MYO15A: variants seen among roughly 807,000 people sequenced by gnomAD.
The protein encoded by MYO15A is unconventional myosin-XV.
MYO15A carries 308 observed loss-of-function variants against 394.6 expected under a neutral mutation model. The ratio of observed to expected loss-of-function variants is 0.78; its 90% CI spans 0.71 to 0.86. The LOEUF (loss-of-function observed/expected upper bound fraction) is 0.86. Ranked by LOEUF, MYO15A falls within the 40% of genes least tolerant of loss-of-function variation. MYO15A has a pLI of 0.00. For synonymous variants in MYO15A, 1,957 were observed against 2,003.8 expected (o/e 0.98, Z 0.62); for missense variants, 4,606 against 4,799.1 (o/e 0.96, Z 1.19).
At chr17:18,109,876 C>T (rs2045701072) in intron 1 of MYO15A, 1 of 152,308 alleles carries the variant, frequency 6.6e-6, no homozygotes, top group African/African-American at 2.4e-5. Flanking sequence ...CGTCTTTCTT[C>T]CTCTCCAGCT....
intron 29 of MYO15A, among the ~76,000 whole-genome samples, chr17:18,145,353 G>A (rs1218549638): frequency 3.3e-5 from 5 of 152,186 alleles, no homozygotes; most frequent in Non-Finnish European, 7.3e-5. Context: ...CAGGAAAGAT[G>A]ACACATACTT....
rs2046438904 is a variant in MYO15A at position 18,144,405 on chromosome 17, AG to A, written c.6178-90del. On this transcript the variant is annotated intron_variant, in intron 28 of 65. Transcript: ENST00000647165. ...CTGAGGACCAAAGCCCCTGCCTCAT[AG>A]GCCTTGGAGCCCCATGTGGCACAGA... 42 of 1,180,992 alleles carry A rather than the reference AG, an allele frequency of 3.6e-5. No individual in the cohort carries two copies. The South Asian group carries it at 5.1e-4, about 14-fold the overall frequency. 73.2% of individuals were successfully genotyped at this position (1,180,992 alleles called of 1,614,324 possible).
rs2046161142 is a variant in MYO15A, at chr17:18,131,392, T to G, written c.4142+50T>G. 4 of 1,612,598 alleles carry G rather than the reference T, an allele frequency of 2.5e-6. No homozygotes were observed. In the East Asian group the frequency reaches 8.9e-5, roughly 36 times the overall value. The stretch of plus-strand genomic sequence containing the variant: ...CCCAAAAGCCTTGCAGTGTCTTCCA[T>G]GTCCTGCCACAGCCCCTCGGAGCCA... On this transcript the variant is annotated intron_variant, in intron 9 of 65. Transcript: ENST00000647165.
At chr17:18,124,815 C>G in intron 3 of MYO15A, 1 of 589,792 alleles carries the variant, frequency 1.7e-6, no homozygotes, top group Admixed American at 3.0e-5. Flanking sequence ...ACCTCAGTTT[C>G]TCATCCACAA....
rs774855739 is a variant in MYO15A, at chr17:18,135,728, G to A, written c.4500G>A (p.Val1500=). ...TTGCATAGACGGATGCACAGGAGGT[G>A]GCCTCAGTGGTGAGTGCCCGAGAGA... ...FEKYETDAQE[V]ASVVSAREIQ... The change falls in exon 13 of 66, where the codon GTG becomes GTA. Residue 1500 remains valine (V), a synonymous_variant. Transcript: ENST00000647165. 2.5e-6 allele frequency: 4 copies of A among 1,614,046 alleles called. No individual in the cohort carries two copies. In the African/African-American group the frequency reaches 5.3e-5, roughly 22 times the overall value.
At chr17:18,139,974 C>A (rs1044943111) in intron 19 of MYO15A, among the ~76,000 whole-genome samples, 3 of 152,222 alleles carry the variant, frequency 2.0e-5, no homozygotes, top group African/African-American at 7.2e-5. Flanking sequence ...TCTTGCCAGA[C>A]CTGTTCCCCC....
intron 48 of MYO15A, 25 bp downstream of exon 48, chr17:18,156,361 C>T (rs1389330676): frequency 6.2e-7 from 1 of 1,612,752 alleles, no homozygotes; most frequent in Non-Finnish European, 8.5e-7. Context: ...ACAGATCTTC[C>T]CTCCACCCAG....
In MYO15A at chr17:18,136,692, G is replaced by A. The variant is rs1237461421; in HGVS notation, c.4779+6G>A. 1.3e-6 allele frequency: 2 copies of A among 1,597,144 alleles called. No individual in the cohort carries two copies. Among genetic ancestry groups the A allele is most frequent in the Non-Finnish European group, 1.7e-6 (2 of 1,174,372 alleles). On this transcript the variant is annotated splice_donor_region_variant and intron_variant, in intron 15 of 65. Coordinates refer to ENST00000647165, the MANE Select transcript of MYO15A (RefSeq NM_016239.4). The stretch of plus-strand genomic sequence containing the variant: ...TGGACATCTATGGTTTCGAGGTGGG[G>A]CCGTGTAGGAGGCTGAGGGGCGGGG...
intron 59 of MYO15A, 88 bp from the exon 60 acceptor site, chr17:18,163,654 C>T: frequency 8.1e-7 from 1 of 1,230,214 alleles, no homozygotes; most frequent in Non-Finnish European, 1.2e-6. Context: ...AGGAACTCCA[C>T]ACATGGCCTC....
intron 40 of MYO15A, 146 bp downstream of exon 40, chr17:18,151,673 C>T: frequency 8.2e-7 from 1 of 1,219,002 alleles, no homozygotes; most frequent in Non-Finnish European, 1.2e-6. Flanking sequence ...CAGATGAGGC[C>T]CTGCTGTTGT....
rs1479766913 is a variant in MYO15A, at chr17:18,172,495, T to C, written c.10350+205T>C. On this transcript the variant is annotated intron_variant, in intron 64 of 65. Coordinates refer to ENST00000647165, the MANE Select transcript of MYO15A (RefSeq NM_016239.4). ...AAGAGTTGAGCCCCACCCATAGGGC[T>C]GTTGTGAAGGTGAGATGAGGTAAAA... 7.8e-6 allele frequency: 6 copies of C among 772,088 alleles called. No homozygotes were observed. In the Admixed American group the frequency reaches 1.3e-4, roughly 16 times the overall value. 47.8% of individuals were successfully genotyped at this position (772,088 alleles called of 1,614,324 possible).
intron 57 of MYO15A, 23 bp downstream of exon 57, chr17:18,161,470 C>G: frequency 6.2e-7 from 1 of 1,612,288 alleles, no homozygotes; most frequent in Non-Finnish European, 8.5e-7. Context: ...TGAGTGGGAA[C>G]CCAGGGCTGC....
At chr17:18,163,022 C>A (rs1366134240) in intron 58 of MYO15A, among the ~76,000 whole-genome samples, 1 of 152,008 alleles carries the variant, frequency 6.6e-6, no homozygotes, top group African/African-American at 2.4e-5. Flanking sequence ...CAAACACACA[C>A]AAAAAAATGA....
chr17:18,134,088 C>T (rs2046220065), intron 12 of MYO15A, among the ~76,000 whole-genome samples: 1 of 152,084 alleles, frequency 6.6e-6, no homozygotes, highest in South Asian at 2.1e-4. Context: ...CTCCCAGGTT[C>T]AAGCGATTCC....
intron 53 of MYO15A, 98 bp downstream of exon 53, chr17:18,159,095 C>A: frequency 7.0e-7 from 1 of 1,419,658 alleles, no homozygotes; most frequent in Non-Finnish European, 9.8e-7. Context: ...CTCAGTGAGA[C>A]CCTCTGATTC....
intron 1 of MYO15A, among the ~76,000 whole-genome samples, chr17:18,114,983 C>T (rs1270050159): frequency 6.6e-6 from 1 of 152,192 alleles, no homozygotes; most frequent in African/African-American, 2.4e-5. Flanking sequence ...GTGATGGCCC[C>T]CCAGCAGTGC....
chr17:18,130,894 ATGTGCCTGCTCC>A, intron 8 of MYO15A, 84 bp downstream of exon 8: 1 of 1,285,200 alleles, frequency 7.8e-7, no homozygotes, highest in Non-Finnish European at 1.0e-6. Context: ...ATGCGTGTGG[ATGTGCCTGCTCC>A]TGTGTGGGTG....
chr17:18,131,739 G>A (rs1304980191), intron 10 of MYO15A, among the ~76,000 whole-genome samples: 2 of 151,924 alleles, frequency 1.3e-5, no homozygotes, highest in African/African-American at 4.8e-5. Flanking sequence ...ACACAGGCAC[G>A]CTCCTGCCAG....
In MYO15A at chr17:18,166,527, C is replaced by T; in HGVS notation, c.9948+6C>T. 6.2e-7 allele frequency: 1 copy of T among 1,611,964 alleles called. No individual in the cohort carries two copies. The highest frequency in any genetic ancestry group is 8.5e-7 in the Non-Finnish European group (1 of 1,180,002). ...TGACCATGCACTACAACCAGGTCAG[C>T]ACACGTAGGCTTCTCTGGACTCTGG... On this transcript the variant is annotated splice_donor_region_variant and intron_variant, in intron 61 of 65. Coordinates refer to ENST00000647165, the MANE Select transcript of MYO15A (RefSeq NM_016239.4).
Sources: allele counts gnomAD v4.1 joint callset (sites outside exome capture counted in the v4.1 genomes callset), GRCh38; gene constraint gnomAD v4.1.1; transcripts MANE v1.5; gene names NCBI Gene and HGNC (gene_info 2026-07-23, HGNC 2026-07-21).